The following CCDC92B variants were observed in gnomAD, a reference collection of about 807,000 sequenced individuals.
The protein encoded by CCDC92B is coiled-coil domain-containing 92B.
CCDC92B carries 2 observed loss-of-function variants against 5.6 expected under a neutral mutation model. The ratio of observed to expected loss-of-function variants is 0.36; its 90% confidence interval spans 0.15 to 1.12. The LOEUF (loss-of-function observed/expected upper bound fraction) is 1.12, where lower values mean the gene tolerates loss of function less well. Ranked by LOEUF, CCDC92B falls within the 50% of genes most tolerant of loss-of-function variation. CCDC92B has a pLI of 0.40. For missense variants in CCDC92B, 271 were observed against 262.2 expected (o/e 1.03, Z -0.23); for synonymous variants, 115 against 122.3 (o/e 0.94, Z 0.39).
intron 1 of CCDC92B, among the ~76,000 whole-genome samples, chr17:2,741,569 C>T (rs542223070): frequency 6.7e-6 from 1 of 149,808 alleles, no homozygotes; most frequent in Non-Finnish European, 1.5e-5. Flanking sequence ...GTCCTAGCTA[C>T]TTGGGAGGCC....
intron 1 of CCDC92B, among the ~76,000 whole-genome samples, chr17:2,736,384 G>A (rs1006403495): frequency 3.3e-5 from 5 of 151,846 alleles, no homozygotes; most frequent in African/African-American, 1.2e-4. Flanking sequence ...CTGAGACCAT[G>A]CCACTGCACC....
intron 1 of CCDC92B, among the ~76,000 whole-genome samples, chr17:2,742,081 AT>A (rs1223504246): frequency 1.3e-5 from 2 of 149,454 alleles, no homozygotes; most frequent in South Asian, 2.1e-4. Flanking sequence ...TGCATTTTTT[AT>A]TTTTTTTGAG....
chr17:2,741,774 A>T (rs2070929810), intron 1 of CCDC92B, among the ~76,000 whole-genome samples: 1 of 150,918 alleles, frequency 6.6e-6, no homozygotes, highest in African/African-American at 2.4e-5. Context: ...TTGTATTTTT[A>T]GTAGAGATGG....
In CCDC92B at chr17:2,744,602, C is replaced by T. The variant is rs117874686; in HGVS notation, c.-24+4809G>A. Among the ~76,000 whole-genome samples, 11 of 151,366 alleles carry T rather than the reference C, an allele frequency of 7.3e-5. No homozygotes were observed. In the East Asian group the frequency reaches 2.1e-3, roughly 29 times the overall value. On this transcript the variant is annotated intron_variant, in intron 1 of 3. Transcript: ENST00000614400. ...AGTACCTAGCACAGTATGTGGCAAACAGGAAGTACTCAGTAAACATCTTTA... is the reference window on the plus strand; with the variant it reads ...AGTACCTAGCACAGTATGTGGCAAATAGGAAGTACTCAGTAAACATCTTTA...
At position 2,722,691 on chromosome 17, in the gene CCDC92B, G is replaced by A. The variant is rs771566813; in HGVS notation, c.*1720C>T. Reference sequence around the variant, plus strand: ...AGAGCTTGACTCTGCTCACCTCCCAGACCCCTGCGTGACAGAATGTGTGGC... The same window carrying A: ...AGAGCTTGACTCTGCTCACCTCCCAAACCCCTGCGTGACAGAATGTGTGGC... On this transcript the variant is annotated 3_prime_UTR_variant, in exon 4 of 4. Transcript: ENST00000614400. The A allele has an allele frequency of 2.0e-5, 3 of 152,304 alleles. No homozygotes were observed. Among genetic ancestry groups the A allele is most frequent in the African/African-American group, 7.2e-5 (3 of 41,456 alleles). The allele number at this position is 152,304 out of a possible 1,614,324, so 9.4% of individuals were successfully genotyped here.
chr17:2,741,317 C>T (rs1025997191), intron 1 of CCDC92B, among the ~76,000 whole-genome samples: 1 of 151,978 alleles, frequency 6.6e-6, no homozygotes, highest in African/African-American at 2.4e-5. Context: ...GTGAAAGGTA[C>T]TGAAGGAGGG....
At position 2,725,018 on chromosome 17, in the gene CCDC92B, C is replaced by T. The variant is rs966093017; in HGVS notation, c.179-18G>A. 1 of 985,358 alleles carries T rather than the reference C, an allele frequency of 1.0e-6. No individual in the cohort carries two copies. The allele number at this position is 985,358 out of a possible 1,614,324, so 61.0% of individuals were successfully genotyped here. On this transcript the variant is annotated intron_variant, in intron 3 of 3. Coordinates refer to ENST00000614400, the MANE Select transcript of CCDC92B (RefSeq NM_001355573.2). ...CGCCGCCTCTGGAACGGGGCAGAGG[C>T]CAGAGGTGACGGTCTCCCCCTGGCT...
In CCDC92B at chr17:2,724,923, C is replaced by T; in HGVS notation, c.256G>A (p.Glu86Lys). Residue 86 changes from glutamate to lysine, a missense_variant, in exon 4 of 4, where the codon GAG (glutamate) becomes AAG (lysine). By Grantham distance (56) the Glu-to-Lys change is moderately conservative. Transcript: ENST00000614400. This position sits in a 1 kb window ranked among gnomAD's most constrained non-coding sequence, Gnocchi z 5.0. ...CGCTGCGCCACCTCCCGCCGCAGCT[C>T]CGCGTTGGCCGCAGCACGCGCCTCC... Reference protein sequence around the residue: ...QLEARAAANAELRREVAQREA... With the variant: ...QLEARAAANAKLRREVAQREA... 2.0e-6 allele frequency: 2 copies of T among 985,418 alleles called. No homozygotes were observed. Among genetic ancestry groups the T allele is most frequent in the South Asian group, 9.4e-5 (2 of 21,296 alleles). The allele number at this position is 985,418 out of a possible 1,614,324, so 61.0% of individuals were successfully genotyped here. A position where few individuals can be genotyped will look rare whatever the true frequency, so the allele number is the denominator to read the frequency against.
chr17:2,735,208 C>T, intron 1 of CCDC92B, 40 bp from the exon 2 acceptor site: 2 of 985,366 alleles, frequency 2.0e-6, no homozygotes, highest in Non-Finnish European at 2.4e-6. Flanking sequence ...CTTCTGAGCC[C>T]ATCTGCGCTG....
At chr17:2,728,860 A>G (rs1407328794) in intron 3 of CCDC92B, among the ~76,000 whole-genome samples, 3 of 152,194 alleles carry the variant, frequency 2.0e-5, no homozygotes, top group East Asian at 1.9e-4. Flanking sequence ...GATGGTCTGT[A>G]ACTGATCTTC....
At chr17:2,735,757 C>G (rs565381961) in intron 1 of CCDC92B, among the ~76,000 whole-genome samples, 43 of 152,226 alleles carry the variant, frequency 2.8e-4, no homozygotes, top group African/African-American at 9.1e-4. Flanking sequence ...TCTTCTACTT[C>G]TCAAACAGGA....
At chr17:2,731,311 G>A (rs1294993461) in intron 2 of CCDC92B, among the ~76,000 whole-genome samples, 4 of 152,034 alleles carry the variant, frequency 2.6e-5, no homozygotes, top group Non-Finnish European at 5.9e-5. Context: ...CTCAGCCCAG[G>A]TGAGTTTGAT....
rs1426721569 is a variant in CCDC92B, at chr17:2,749,479, C to T, written c.-92G>A. The T allele has an allele frequency of 2.0e-5, 3 of 150,830 alleles. No homozygotes were observed. Among genetic ancestry groups the T allele is most frequent in the Non-Finnish European group, 4.4e-5 (3 of 67,584 alleles). 9.3% of individuals were successfully genotyped at this position (150,830 alleles called of 1,614,324 possible). A position where few individuals can be genotyped will look rare whatever the true frequency, so the allele number is the denominator to read the frequency against. ...GGCCGGGCTGGGTGGGGGCGGCGCT[C>T]TTCCCCCCACGCTAGCTGCGCCCGG... On this transcript the variant is annotated 5_prime_UTR_variant, in exon 1 of 4. Transcript: ENST00000614400.
At chr17:2,741,595 CTTTT>C (rs61510422) in intron 1 of CCDC92B, among the ~76,000 whole-genome samples, 1 of 134,526 alleles carries the variant, frequency 7.4e-6, no homozygotes. Context: ...AGGAGAATCT[CTTTT>C]TTTTTTTTTT....
intron 1 of CCDC92B, among the ~76,000 whole-genome samples, chr17:2,747,749 G>A (rs542929103): frequency 4.8e-4 from 73 of 152,204 alleles, no homozygotes; most frequent in African/African-American, 1.7e-3. Flanking sequence ...TCAATATGAG[G>A]TTTATGTTTC....
intron 2 of CCDC92B, among the ~76,000 whole-genome samples, chr17:2,731,081 G>A (rs575850849): frequency 1.3e-5 from 2 of 152,284 alleles, no homozygotes; most frequent in East Asian, 1.9e-4. Context: ...CCCCAGTTGC[G>A]CCGTATTCCC....
intron 3 of CCDC92B, among the ~76,000 whole-genome samples, chr17:2,725,357 T>A (rs1392561420): frequency 6.6e-6 from 1 of 151,840 alleles, no homozygotes; most frequent in Admixed American, 6.6e-5. Context: ...CTCTCCAGCC[T>A]AGGTGACACA....
rs549436919 is a variant in CCDC92B at position 2,722,547 on chromosome 17, C to T, written c.*1864G>A. 6.6e-6 allele frequency: 1 copy of T among 152,266 alleles called. No individual in the cohort carries two copies. Among genetic ancestry groups the T allele is most frequent in the African/African-American group, 2.4e-5 (1 of 41,436 alleles). 9.4% of individuals were successfully genotyped at this position (152,266 alleles called of 1,614,324 possible). ...CACATTGCTTGGCCCTGAGTGCGCT[C>T]GCTCACTGGTTTCTACTTCTTGCCA... On this transcript the variant is annotated 3_prime_UTR_variant, in exon 4 of 4. Transcript: ENST00000614400.
chr17:2,733,658 C>T lies in CCDC92B; in HGVS notation c.130+1358G>A, dbSNP rs1009841501. On this transcript the variant is annotated intron_variant, in intron 2 of 3. Transcript: ENST00000614400. Reference sequence around the variant, plus strand: ...CCCCCAGGCTGGCCTCTGCTCCCGTCCAATCTTCAGGGGAGATTAGAATGT... The same window carrying T: ...CCCCCAGGCTGGCCTCTGCTCCCGTTCAATCTTCAGGGGAGATTAGAATGT... 4.0e-5 allele frequency among the ~76,000 whole-genome samples: 6 copies of T among 151,270 alleles called. No homozygotes were observed. In the East Asian group the frequency reaches 7.9e-4, roughly 20 times the overall value.
Sources: gnomAD v4.1 joint callset for allele counts (sites outside exome capture counted in the v4.1 genomes callset) on GRCh38, gnomAD v4.1.1 for gene constraint, Gnocchi (gnomAD v3.1) non-coding constraint, MANE v1.5 for transcripts, NCBI Gene and HGNC (gene_info 2026-07-23, HGNC 2026-07-21) for gene names.